FRZB: variants seen among roughly 807,000 people sequenced by gnomAD.
The protein encoded by FRZB is frizzled related protein, also known as secreted frizzled-related protein 3.
In FRZB, 34 loss-of-function variants were observed where a neutral mutation model predicts 32.5. That is an observed-to-expected ratio of 1.05 (90% confidence interval 0.80 to 1.39). The LOEUF is 1.39. Ranked by LOEUF, FRZB falls within the 40% of genes most tolerant of loss-of-function variation. The probability of loss-of-function intolerance (pLI) is 0.00; values close to 1 mark genes in which losing one functional copy is unlikely to be tolerated. For missense variants in FRZB, 423 were observed against 424.8 expected (o/e 1.00, Z 0.04); for synonymous variants, 170 against 159.2 (o/e 1.07, Z -0.51).
chr2:182,854,657 C>A lies in FRZB; in HGVS notation c.526+4129G>T, dbSNP rs537756861. Among the ~76,000 whole-genome samples, 4 of 152,268 alleles carry A rather than the reference C, an allele frequency of 2.6e-5. No individual in the cohort carries two copies. The South Asian group carries it at 8.3e-4, about 32-fold the overall frequency. On this transcript the variant is annotated intron_variant, in intron 2 of 5. Transcript: ENST00000295113. The stretch of plus-strand genomic sequence containing the variant: ...GCAACAAGGGAGACCCTCAGGAGCC[C>A]AAAACTTTGATGAAGGAGAGAATCT...
chr2:182,843,016 A>G (rs909995254), intron 2 of FRZB, among the ~76,000 whole-genome samples: 2 of 152,176 alleles, frequency 1.3e-5, no homozygotes, highest in African/African-American at 2.4e-5. Context: ...TCTGAAAGCA[A>G]CTCAAAGAGA....
At chr2:182,836,074 TTC>T (rs938435834) in intron 5 of FRZB, among the ~76,000 whole-genome samples, 1 of 152,132 alleles carries the variant, frequency 6.6e-6, no homozygotes, top group African/African-American at 2.4e-5. Context: ...CATTTCAGTA[TTC>T]TTTACTCCAC....
At chr2:182,843,874 T>C (rs1412307801) in intron 2 of FRZB, among the ~76,000 whole-genome samples, 1 of 151,384 alleles carries the variant, frequency 6.6e-6, no homozygotes, top group African/African-American at 2.4e-5. Context: ...AAAGCTGCAG[T>C]GAGCCAAGCT....
rs574020781 is a variant in FRZB, at chr2:182,862,440, G to A, written c.479-3607C>T. ...CACCAGACTCATTCTTTTTTCTGTCGCTCCCAAGGGGATCTGCTCTTGAGC... is the reference window on the plus strand; with the variant it reads ...CACCAGACTCATTCTTTTTTCTGTCACTCCCAAGGGGATCTGCTCTTGAGC... On this transcript the variant is annotated intron_variant, in intron 1 of 5. Coordinates refer to ENST00000295113, the MANE Select transcript of FRZB (RefSeq NM_001463.4). Among the ~76,000 whole-genome samples the A allele has an allele frequency of 2.9e-4, 44 of 152,194 alleles. 3 individuals carry two copies. The South Asian group carries it at 5.0e-3, about 17-fold the overall frequency.
chr2:182,842,635 A>C (rs904347550), intron 2 of FRZB, 92 bp from the exon 3 acceptor site: 4 of 928,200 alleles, frequency 4.3e-6, no homozygotes, highest in Non-Finnish European at 5.1e-6. Context: ...ACTAGATCTC[A>C]ATTTGGTGGT....
intron 2 of FRZB, among the ~76,000 whole-genome samples, chr2:182,856,091 A>C (rs1028200101): frequency 2.6e-5 from 4 of 152,096 alleles, no homozygotes; most frequent in Non-Finnish European, 5.9e-5. Flanking sequence ...TAAAGGAAAA[A>C]AGAAGTTTTT....
chr2:182,855,459 G>A (rs1014723554), intron 2 of FRZB, among the ~76,000 whole-genome samples: 1 of 152,058 alleles, frequency 6.6e-6, no homozygotes, highest in African/African-American at 2.4e-5. Context: ...ATATAATGAA[G>A]AATCAAATGG....
chr2:182,853,700 G>A (rs1695734472), intron 2 of FRZB, among the ~76,000 whole-genome samples: 1 of 152,118 alleles, frequency 6.6e-6, no homozygotes, highest in African/African-American at 2.4e-5. Flanking sequence ...CTGTCCCAAT[G>A]TAATGAAAGT....
intron 1 of FRZB, among the ~76,000 whole-genome samples, chr2:182,864,016 T>C (rs1412806152): frequency 6.6e-6 from 1 of 152,186 alleles, no homozygotes; most frequent in Non-Finnish European, 1.5e-5. Context: ...CACCTATTTT[T>C]CTAGCAAGGA....
At chr2:182,847,169 T>A (rs1695652815) in intron 2 of FRZB, among the ~76,000 whole-genome samples, 2 of 152,206 alleles carry the variant, frequency 1.3e-5, no homozygotes, top group African/African-American at 2.4e-5. Context: ...ATGTGATACA[T>A]GACATGAAAT....
Position 182,834,886 on chromosome 2 carries a change from G to C in FRZB, c.941C>G (p.Ser314Cys). Residue 314 changes from serine to cysteine, a missense_variant, in exon 6 of 6, where the codon TCT becomes TGT. Coordinates refer to ENST00000295113, the MANE Select transcript of FRZB (RefSeq NM_001463.4). ...SNSDSTQSQKSGRNSNPRQAR... is the reference protein window; with the variant it reads ...SNSDSTQSQKCGRNSNPRQAR... Reference sequence around the variant, plus strand: ...TTGCCGGGGGTTCGAGTTCCTGCCAGACTTCTGACTCTGAGTGGAATCACT... The same window carrying C: ...TTGCCGGGGGTTCGAGTTCCTGCCACACTTCTGACTCTGAGTGGAATCACT... 1 of 1,613,472 alleles carries C rather than the reference G, an allele frequency of 6.2e-7. No homozygotes were observed. Among genetic ancestry groups the C allele is most frequent in the Non-Finnish European group, 8.5e-7 (1 of 1,179,640 alleles).
At chr2:182,840,040 T>C (rs1559046723) in intron 3 of FRZB, among the ~76,000 whole-genome samples, 1 of 152,162 alleles carries the variant, frequency 6.6e-6, no homozygotes, top group Admixed American at 6.6e-5. Flanking sequence ...AGAAATTAGT[T>C]ACTAAGGAAT....
intron 2 of FRZB, among the ~76,000 whole-genome samples, chr2:182,856,637 C>T (rs1695772755): frequency 6.6e-6 from 1 of 151,936 alleles, no homozygotes; most frequent in African/African-American, 2.4e-5. Flanking sequence ...AAGTTTTGCC[C>T]TGCAAACACT....
At chr2:182,847,980 G>T (rs539816752) in intron 2 of FRZB, among the ~76,000 whole-genome samples, 2 of 151,964 alleles carry the variant, frequency 1.3e-5, no homozygotes, top group South Asian at 2.1e-4. Context: ...TATCAGTATT[G>T]CAGTAGACCA....
intron 2 of FRZB, among the ~76,000 whole-genome samples, chr2:182,850,313 G>A (rs1368307899): frequency 6.6e-6 from 1 of 152,050 alleles, no homozygotes; most frequent in African/African-American, 2.4e-5. Context: ...TCAAACACTA[G>A]GTCTTCCTCC....
intron 3 of FRZB, 142 bp downstream of exon 3, chr2:182,842,336 T>A: frequency 4.7e-6 from 3 of 639,714 alleles, no homozygotes; most frequent in Non-Finnish European, 8.4e-6. Context: ...GCAGAGGGAC[T>A]ATGCTCCTAA....
At chr2:182,852,454 T>A (rs754010977) in intron 2 of FRZB, among the ~76,000 whole-genome samples, 2 of 152,166 alleles carry the variant, frequency 1.3e-5, no homozygotes, top group Non-Finnish European at 2.9e-5. Flanking sequence ...GGAACTCAGA[T>A]CAATACAATC....
intron 2 of FRZB, among the ~76,000 whole-genome samples, chr2:182,847,876 G>T (rs1695663478): frequency 6.6e-6 from 1 of 152,112 alleles, no homozygotes; most frequent in South Asian, 2.1e-4. Context: ...AGTCACCTCA[G>T]TTGAGTAATT....
chr2:182,858,796 C>T lies in FRZB; in HGVS notation c.516G>A (p.Gly172=). The T allele has an allele frequency of 6.2e-7, 1 of 1,610,496 alleles. No individual in the cohort carries two copies. Among genetic ancestry groups the T allele is most frequent in the Non-Finnish European group, 8.5e-7 (1 of 1,177,632 alleles). ...PMDSSNGNCR[G]ASSERCKCKP... is the part of the protein sequence containing the mutation. ...TAATGATATACTCACCACTGCTTGCCCCTCTACAGTTTCCGTTACTAGAAT... is the reference window on the plus strand; with the variant it reads ...TAATGATATACTCACCACTGCTTGCTCCTCTACAGTTTCCGTTACTAGAAT... Residue 172 remains glycine, a synonymous_variant, in exon 2 of 6, where the codon GGG becomes GGA. Transcript: ENST00000295113.
Sources: gnomAD v4.1 joint callset for allele counts (sites outside exome capture counted in the v4.1 genomes callset) on GRCh38, gnomAD v4.1.1 for gene constraint, MANE v1.5 for transcripts, NCBI Gene and HGNC (gene_info 2026-07-23, HGNC 2026-07-21) for gene names.